The following RBMS3 variants were observed in gnomAD, a reference collection of about 807,000 sequenced individuals.
The protein encoded by RBMS3 is RNA-binding motif, single-stranded-interacting protein 3.
RBMS3 carries 27 observed loss-of-function variants against 66.8 expected under a neutral mutation model. That is an observed-to-expected ratio of 0.40 (90% CI 0.30 to 0.56). RBMS3 has a LOEUF of 0.56. Among genes scored for constraint, RBMS3 ranks in the 20% least tolerant of loss-of-function variants. The pLI is 0.40. For synonymous variants in RBMS3, 188 were observed against 183.0 expected (o/e 1.03, Z -0.22); for missense variants, 513 against 549.5 (o/e 0.93, Z 0.66).
chr3:29,945,389 A>G (rs2149706314), intron 12 of RBMS3, among the ~76,000 whole-genome samples: 1 of 151,776 alleles, frequency 6.6e-6, no homozygotes, highest in Non-Finnish European at 1.5e-5. Flanking sequence ...TCAATTAATA[A>G]TGTCCCATTG....
intron 1 of RBMS3, among the ~76,000 whole-genome samples, chr3:29,355,981 A>G: frequency 6.6e-6 from 1 of 152,172 alleles, no homozygotes; most frequent in East Asian, 1.9e-4. Context: ...TAGGATATCT[A>G]TCGCAATAAC....
At chr3:29,485,546 C>A (rs2043289326) in intron 2 of RBMS3, among the ~76,000 whole-genome samples, 1 of 152,100 alleles carries the variant, frequency 6.6e-6, no homozygotes, top group South Asian at 2.1e-4. Flanking sequence ...AGCATCTTTG[C>A]AATGCTGTAT....
intron 6 of RBMS3, among the ~76,000 whole-genome samples, chr3:29,847,175 T>C (rs1211369597): frequency 6.6e-6 from 1 of 152,236 alleles, no homozygotes; most frequent in Non-Finnish European, 1.5e-5. Flanking sequence ...GTGTGCCTTT[T>C]TTGTTTTCAA....
chr3:29,781,625 A>G (rs994699645), intron 6 of RBMS3, among the ~76,000 whole-genome samples: 1 of 152,086 alleles, frequency 6.6e-6, no homozygotes, highest in Non-Finnish European at 1.5e-5. Flanking sequence ...GCTACCTCTT[A>G]TATAACTAAA....
intron 6 of RBMS3, chr3:29,767,638 ATG>A (rs2055993411): frequency 6.6e-6 from 1 of 151,996 alleles, no homozygotes; most frequent in Non-Finnish European, 1.5e-5. Context: ...GTGTATGACT[ATG>A]TATGTATATG....
intron 1 of RBMS3, among the ~76,000 whole-genome samples, chr3:29,370,330 C>T (rs905745720): frequency 9.9e-5 from 15 of 152,172 alleles, no homozygotes; most frequent in African/African-American, 3.6e-4. Flanking sequence ...GAACACTTCA[C>T]AGAAAGTTCT....
intron 7 of RBMS3, among the ~76,000 whole-genome samples, chr3:29,878,923 C>A (rs1387447398): frequency 6.6e-6 from 1 of 151,952 alleles, no homozygotes; most frequent in Non-Finnish European, 1.5e-5. Context: ...TGGTGCACAC[C>A]AGTAGTCCCA....
At chr3:29,439,088 G>A (rs1237595873) in intron 2 of RBMS3, among the ~76,000 whole-genome samples, 1 of 152,138 alleles carries the variant, frequency 6.6e-6, no homozygotes, top group Non-Finnish European at 1.5e-5. Flanking sequence ...AGGGCTGGAG[G>A]GGGCATGCCA....
intron 1 of RBMS3, among the ~76,000 whole-genome samples, chr3:29,409,672 A>T (rs146588558): frequency 6.6e-6 from 1 of 152,312 alleles, no homozygotes; most frequent in East Asian, 1.9e-4. Flanking sequence ...ACTCGTGACT[A>T]TCTTTTGGTT....
At chr3:29,494,583 T>C (rs1025112659) in intron 3 of RBMS3, among the ~76,000 whole-genome samples, 4 of 152,232 alleles carry the variant, frequency 2.6e-5, no homozygotes, top group Non-Finnish European at 5.9e-5. Flanking sequence ...AGAGCTATTG[T>C]ACAAGACACA....
intron 11 of RBMS3, among the ~76,000 whole-genome samples, chr3:29,940,742 CAG>C (rs1331398285): frequency 2.2e-5 from 3 of 135,368 alleles, no homozygotes; most frequent in African/African-American, 7.7e-5. Context: ...TTAAGCTAGA[CAG>C]AATCTGCAGG....
At chr3:29,609,306 G>A (rs2048416718) in intron 4 of RBMS3, among the ~76,000 whole-genome samples, 1 of 151,924 alleles carries the variant, frequency 6.6e-6, no homozygotes. Flanking sequence ...TGCAGTATTG[G>A]ACTGGCAGTA....
chr3:29,503,983 G>A (rs1181261102), intron 3 of RBMS3, among the ~76,000 whole-genome samples: 3 of 152,048 alleles, frequency 2.0e-5, no homozygotes, highest in African/African-American at 4.8e-5. Context: ...AGCTCTGTGC[G>A]GCCTTGTTTG....
intron 7 of RBMS3, among the ~76,000 whole-genome samples, chr3:29,876,756 G>A (rs2059618272): frequency 6.6e-6 from 1 of 152,030 alleles, no homozygotes; most frequent in Admixed American, 6.6e-5. Flanking sequence ...AACCACCCCT[G>A]CGAAGGCCCA....
intron 6 of RBMS3, among the ~76,000 whole-genome samples, chr3:29,854,860 A>G (rs963241581): frequency 6.6e-6 from 1 of 152,158 alleles, no homozygotes; most frequent in Non-Finnish European, 1.5e-5. Flanking sequence ...TTATAGTCCA[A>G]AATAGAGCCT....
intron 3 of RBMS3, among the ~76,000 whole-genome samples, chr3:29,548,686 C>T (rs1004304157): frequency 1.3e-5 from 2 of 151,790 alleles, no homozygotes; most frequent in African/African-American, 4.8e-5. Flanking sequence ...CTTCCAAAAA[C>T]GTCATCTAGT....
intron 12 of RBMS3, among the ~76,000 whole-genome samples, chr3:29,958,225 T>A (rs1032671709): frequency 2.0e-5 from 3 of 152,184 alleles, no homozygotes; most frequent in Non-Finnish European, 4.4e-5. Flanking sequence ...CTGCAAGAAA[T>A]ATAATGTTTT....
chr3:29,747,362 C>T (rs893171343), intron 5 of RBMS3, among the ~76,000 whole-genome samples: 5 of 149,730 alleles, frequency 3.3e-5, no homozygotes, highest in Non-Finnish European at 7.4e-5. Flanking sequence ...ATCTATCTAT[C>T]TATCTATCTA....
chr3:29,821,504 A>G (rs778617764), intron 6 of RBMS3, among the ~76,000 whole-genome samples: 1 of 152,186 alleles, frequency 6.6e-6, no homozygotes, highest in Non-Finnish European at 1.5e-5. Context: ...CAAAGCTGAC[A>G]AGCATAGGCT....
Sources: gnomAD v4.1 joint callset for allele counts (sites outside exome capture counted in the v4.1 genomes callset) on GRCh38, gnomAD v4.1.1 for gene constraint, MANE v1.5 for transcripts, NCBI Gene and HGNC (gene_info 2026-07-23, HGNC 2026-07-21) for gene names.